The following FEV variants were observed in gnomAD, a reference collection of about 807,000 sequenced individuals.
FEV encodes the protein FEV transcription factor, ETS family member, also known as protein FEV.
In FEV, 14 loss-of-function variants were observed where a neutral mutation model predicts 20.5. The ratio of observed to expected loss-of-function variants is 0.68; its 90% CI spans 0.45 to 1.07. The LOEUF is 1.07. Ranked by LOEUF, FEV falls within the 50% of genes least tolerant of loss-of-function variation. The pLI, the probability that FEV is intolerant of heterozygous loss-of-function variation, is 0.00. For synonymous variants in FEV, 188 were observed against 163.7 expected (o/e 1.15, Z -1.13); for missense variants, 301 against 345.3 (o/e 0.87, Z 1.02).
In FEV at chr2:218,982,197, C is replaced by T. The variant is rs1416263249; in HGVS notation, c.187G>A (p.Ala63Thr). 8 of 1,610,856 alleles carry T rather than the reference C, an allele frequency of 5.0e-6. No homozygotes were observed. The highest frequency in any genetic ancestry group is 6.8e-6 in the Non-Finnish European group (8 of 1,178,956). Residue 63 changes from alanine (A) to threonine (T), a missense_variant, in exon 3 of 3, where the codon GCC becomes ACC. Transcript: ENST00000295727. The stretch of plus-strand genomic sequence containing the variant: ...CCGCCCTCCCACGCGATGCAGCCGG[C>T]GTTCGCGCGGTCAGCCAGCAGCTCC... ...LLELLADRAN[A>T]GCIAWEGGHG...
chr2:218,981,933 C>T lies in FEV; in HGVS notation c.451G>A (p.Ala151Thr), dbSNP rs774651715. Residue 151 changes from alanine to threonine, a missense_variant, in exon 3 of 3, where the codon GCC becomes ACC. Coordinates refer to ENST00000295727, the MANE Select transcript of FEV (RefSeq NM_017521.3). The surrounding 1 kb of genome is among the most constrained non-coding windows in gnomAD (Gnocchi z 4.5). ...GCGCCGTCCTGGGCGGCCGCGGCGG[C>T]GGCAGCAGCTGCGGCGGCGGCATGA... The part of the protein sequence containing the change: ...HAHAAAAAAA[A>T]AAAAQDGALY... The T allele has an allele frequency of 6.7e-6, 9 of 1,352,134 alleles. No individual in the cohort carries two copies. The highest frequency in any genetic ancestry group is 4.7e-4 in the Middle Eastern group (2 of 4,230). 83.8% of individuals were successfully genotyped at this position (1,352,134 alleles called of 1,614,324 possible). A position where few individuals can be genotyped will look rare whatever the true frequency, so the allele number is the denominator to read the frequency against.
rs753813682 is a variant in FEV, at chr2:218,984,804, A to C, written c.52+220T>G. On this transcript the variant is annotated intron_variant, in intron 1 of 2. Coordinates refer to ENST00000295727, the MANE Select transcript of FEV (RefSeq NM_017521.3). This position sits in a 1 kb window ranked among gnomAD's most constrained non-coding sequence, Gnocchi z 5.0. ...CCGGCTCTTGGCCCCCAGGCTCCCAATCTGCTCATTTCAACTCCTCTAGAC... is the reference window on the plus strand; with the variant it reads ...CCGGCTCTTGGCCCCCAGGCTCCCACTCTGCTCATTTCAACTCCTCTAGAC... Among the ~76,000 whole-genome samples, 2 of 151,876 alleles carry C rather than the reference A, an allele frequency of 1.3e-5. No individual in the cohort carries two copies. The highest frequency in any genetic ancestry group is 4.8e-5 in the African/African-American group (2 of 41,358).
chr2:218,982,185 C>G lies in FEV; in HGVS notation c.199G>C (p.Ala67Pro). ...LADRANAGCI[A>P]WEGGHGEFKL... ...AACTCGCCGTGACCGCCCTCCCACG[C>G]GATGCAGCCGGCGTTCGCGCGGTCA... The change falls in exon 3 of 3, where the codon GCG becomes CCG. Residue 67 changes from alanine (A) to proline (P), a missense_variant. Coordinates refer to ENST00000295727, the MANE Select transcript of FEV (RefSeq NM_017521.3). 2 of 1,612,030 alleles carry G rather than the reference C, an allele frequency of 1.2e-6. No individual in the cohort carries two copies. Among genetic ancestry groups the G allele is most frequent in the Non-Finnish European group, 8.5e-7 (1 of 1,179,428 alleles).
chr2:218,982,352 G>A (rs891762005), intron 2 of FEV, 96 bp from the exon 3 acceptor site: 4 of 1,120,610 alleles, frequency 3.6e-6, no homozygotes, highest in South Asian at 3.1e-5. Flanking sequence ...GGCAGGAACC[G>A]GCACTGGGGG....
In FEV at chr2:218,984,825, T is replaced by C. The variant is rs1261462799; in HGVS notation, c.52+199A>G. On this transcript the variant is annotated intron_variant, in intron 1 of 2. Coordinates refer to ENST00000295727, the MANE Select transcript of FEV (RefSeq NM_017521.3). This position sits in a 1 kb window ranked among gnomAD's most constrained non-coding sequence, Gnocchi z 5.0. ...CCCAATCTGCTCATTTCAACTCCTC[T>C]AGACCCTGCACTGAAACCCAGAGCT... is the stretch of plus-strand genomic sequence containing the variant. Among the ~76,000 whole-genome samples the C allele has an allele frequency of 2.0e-5, 3 of 152,146 alleles. No homozygotes were observed. Among genetic ancestry groups the C allele is most frequent in the African/African-American group, 7.2e-5 (3 of 41,434 alleles).
chr2:218,984,263 C>A lies in FEV; in HGVS notation c.95G>T (p.Ser32Ile). ...DGLFKDGKNP[S>I]WGPLSPAVQK... ...AACCGCGGGGCTCAGCGGCCCCCAG[C>A]TCGGGTTCTTCCCGTCCTTGAAGAG... The change falls in exon 2 of 3, where the codon AGC becomes ATC. Residue 32 changes from serine to isoleucine, a missense_variant. By Grantham distance (142) the Ser-to-Ile change is moderately radical. Coordinates refer to ENST00000295727, the MANE Select transcript of FEV (RefSeq NM_017521.3). This position sits in a 1 kb window ranked among gnomAD's most constrained non-coding sequence, Gnocchi z 5.0. 1 of 1,602,648 alleles carries A rather than the reference C, an allele frequency of 6.2e-7. No homozygotes were observed. Among genetic ancestry groups the A allele is most frequent in the African/African-American group, 1.3e-5 (1 of 74,784 alleles).
Position 218,981,976 on chromosome 2 carries a change from C to T in FEV, c.408G>A (p.Gln136=). ...CGGCATGAGCGTGCGCGGGCGGCGGCTGGCAGGCCTGCGCCAGGCCCTGGA... is the reference window on the plus strand; with the variant it reads ...CGGCATGAGCGTGCGCGGGCGGCGGTTGGCAGGCCTGCGCCAGGCCCTGGA... The part of the protein sequence containing the change: ...FDFQGLAQAC[Q]PPPAHAHAAA... Residue 136 remains glutamine, a synonymous_variant, in exon 3 of 3, where the codon CAG becomes CAA. Transcript: ENST00000295727. This position sits in a 1 kb window ranked among gnomAD's most constrained non-coding sequence, Gnocchi z 4.5. 1.9e-6 allele frequency: 3 copies of T among 1,568,478 alleles called. No homozygotes were observed. The highest frequency in any genetic ancestry group is 2.3e-5 in the South Asian group (2 of 85,962).
rs1447276764 is a variant in FEV at position 218,985,056 on chromosome 2, G to T, written c.20C>A (p.Ser7Tyr). The T allele has an allele frequency of 6.4e-7, 1 of 1,560,368 alleles. No individual in the cohort carries two copies. The highest frequency in any genetic ancestry group is 8.7e-7 in the Non-Finnish European group (1 of 1,152,646). ...GTACATGTTGATCAGCAGGGGCTGG[G>T]AGGCGCCGCTCTGTCTCATCGCCGC... Reference protein sequence around the residue: MRQSGASQPLLINMYLP... With the variant: MRQSGAYQPLLINMYLP... Residue 7 changes from serine to tyrosine, a missense_variant, in exon 1 of 3, where the codon TCC (serine) becomes TAC (tyrosine). Ser to Tyr is a moderately radical substitution (Grantham distance 144). Coordinates refer to ENST00000295727, the MANE Select transcript of FEV (RefSeq NM_017521.3).
chr2:218,984,413 C>A lies in FEV; in HGVS notation c.53-108G>T. On this transcript the variant is annotated intron_variant, in intron 1 of 2. Transcript: ENST00000295727. This position sits in a 1 kb window ranked among gnomAD's most constrained non-coding sequence, Gnocchi z 5.0. ...AGGGGGGTGCTGTGGTCCCCAGGCG[C>A]GAGGCTGGGGGCCCGGGCCACCCGG... The A allele has an allele frequency of 8.9e-7, 1 of 1,123,686 alleles. No individual in the cohort carries two copies. The highest frequency in any genetic ancestry group is 1.2e-6 in the Non-Finnish European group (1 of 812,980). 69.6% of individuals were successfully genotyped at this position (1,123,686 alleles called of 1,614,324 possible).
At position 218,981,580 on chromosome 2, in the gene FEV, A is replaced by G; in HGVS notation, c.*87T>C. On this transcript the variant is annotated 3_prime_UTR_variant, in exon 3 of 3. Transcript: ENST00000295727. This position sits in a 1 kb window ranked among gnomAD's most constrained non-coding sequence, Gnocchi z 4.5. ...CTCTGGATTAGAGGACGGTTGACGG[A>G]GGCTCCCGGGCCCTCCCCGGGATGC... 2.8e-6 allele frequency: 3 copies of G among 1,075,206 alleles called. No homozygotes were observed. Among genetic ancestry groups the G allele is most frequent in the Non-Finnish European group, 3.6e-6 (3 of 842,582 alleles). 66.6% of individuals were successfully genotyped at this position (1,075,206 alleles called of 1,614,324 possible).
Position 218,981,904 on chromosome 2 carries a change from G to T in FEV, c.480C>A (p.Leu160=). The change falls in exon 3 of 3, where the codon CTC becomes CTA. Residue 160 remains leucine (L), a synonymous_variant. Coordinates refer to ENST00000295727, the MANE Select transcript of FEV (RefSeq NM_017521.3). This position sits in a 1 kb window ranked among gnomAD's most constrained non-coding sequence, Gnocchi z 4.5. ...AAAAAAQDGA[L]YKLPAGLAPL... ...GGGCGAGGCCGGCGGGCAGCTTGTAGAGCGCGCCGTCCTGGGCGGCCGCGG... is the reference window on the plus strand; with the variant it reads ...GGGCGAGGCCGGCGGGCAGCTTGTATAGCGCGCCGTCCTGGGCGGCCGCGG... 1 of 1,257,878 alleles carries T rather than the reference G, an allele frequency of 7.9e-7. No individual in the cohort carries two copies. The highest frequency in any genetic ancestry group is 9.9e-7 in the Non-Finnish European group (1 of 1,006,096). 77.9% of individuals were successfully genotyped at this position (1,257,878 alleles called of 1,614,324 possible).
chr2:218,983,365 C>CTTTTTTTTTTTTTTTTTTTTT (rs1559099849), intron 2 of FEV, among the ~76,000 whole-genome samples: 4 of 152,174 alleles, frequency 2.6e-5, no homozygotes, highest in African/African-American at 9.7e-5. Context: ...ACCCCTCTTA[C>CTTTTTTTTTTTTTTTTTTTTT]TTTTTCAGCC....
intron 2 of FEV, among the ~76,000 whole-genome samples, chr2:218,982,836 C>G (rs944761061): frequency 9.2e-5 from 14 of 152,220 alleles, no homozygotes; most frequent in African/African-American, 3.1e-4. Context: ...GGACAGGCTA[C>G]TCCTGAGGTG....
Position 218,982,104 on chromosome 2 carries a change from G to A in FEV, c.280C>T (p.Pro94Ser). Residue 94 changes from proline (P) to serine (S), a missense_variant, in exon 3 of 3, where the codon CCC becomes TCC. Coordinates refer to ENST00000295727, the MANE Select transcript of FEV (RefSeq NM_017521.3). ...CTCAGCTTGTCGTAGTTCATGTTGG[G>A]CTTGCTCTTGCGCTCGCCCCACCGC... is the stretch of plus-strand genomic sequence containing the variant. ...ARRWGERKSK[P>S]NMNYDKLSRA... 1 of 1,613,808 alleles carries A rather than the reference G, an allele frequency of 6.2e-7. No homozygotes were observed. Among genetic ancestry groups the A allele is most frequent in the Non-Finnish European group, 8.5e-7 (1 of 1,179,870 alleles).
rs767391303 is a variant in FEV, at chr2:218,982,268, G to A, written c.128-12C>T. The A allele has an allele frequency of 5.4e-5, 84 of 1,560,306 alleles. No individual in the cohort carries two copies. The highest frequency in any genetic ancestry group is 1.5e-4 in the Admixed American group (8 of 54,392). On this transcript the variant is annotated splice_polypyrimidine_tract_variant and intron_variant, in intron 2 of 2. Coordinates refer to ENST00000295727, the MANE Select transcript of FEV (RefSeq NM_017521.3). Reference sequence around the variant, plus strand: ...GATCTGTCCGCTGCCTGTGGGGAGGGGGGCGGTCAGCCACAGGCGGGAGCG... The same window carrying A: ...GATCTGTCCGCTGCCTGTGGGGAGGAGGGCGGTCAGCCACAGGCGGGAGCG...
rs1266897411 is a variant in FEV, at chr2:218,982,174, G to C, written c.210C>G (p.Gly70=). ...RANAGCIAWE[G]GHGEFKLTDP... is the part of the protein sequence containing the mutation. ...CCGTGAGCTTGAACTCGCCGTGACC[G>C]CCCTCCCACGCGATGCAGCCGGCGT... Residue 70 remains glycine, a synonymous_variant, in exon 3 of 3, where the codon GGC becomes GGG. Transcript: ENST00000295727. 6.2e-7 allele frequency: 1 copy of C among 1,612,504 alleles called. No homozygotes were observed. The highest frequency in any genetic ancestry group is 8.5e-7 in the Non-Finnish European group (1 of 1,179,624).
Position 218,984,423 on chromosome 2 carries a change from G to A in FEV, c.53-118C>T, listed in dbSNP as rs1945419937. The stretch of plus-strand genomic sequence containing the variant: ...TGTGGTCCCCAGGCGCGAGGCTGGG[G>A]GCCCGGGCCACCCGGCTCCTCCTCC... On this transcript the variant is annotated intron_variant, in intron 1 of 2. Coordinates refer to ENST00000295727, the MANE Select transcript of FEV (RefSeq NM_017521.3). This position sits in a 1 kb window ranked among gnomAD's most constrained non-coding sequence, Gnocchi z 5.0. The A allele has an allele frequency of 2.1e-6, 2 of 971,958 alleles. No individual in the cohort carries two copies. The highest frequency in any genetic ancestry group is 4.0e-5 in the South Asian group (2 of 49,930). 60.2% of individuals were successfully genotyped at this position (971,958 alleles called of 1,614,324 possible). A position where few individuals can be genotyped will look rare whatever the true frequency, so the allele number is the denominator to read the frequency against.
In FEV at chr2:218,981,900, T is replaced by G; in HGVS notation, c.484A>C (p.Lys162Gln). ...AAAAQDGALY[K>Q]LPAGLAPLPF... ...AGCGGGGCGAGGCCGGCGGGCAGCTTGTAGAGCGCGCCGTCCTGGGCGGCC... is the reference window on the plus strand; with the variant it reads ...AGCGGGGCGAGGCCGGCGGGCAGCTGGTAGAGCGCGCCGTCCTGGGCGGCC... The change falls in exon 3 of 3, where the codon AAG becomes CAG. Residue 162 changes from lysine to glutamine, a missense_variant. Physicochemically the swap from Lys to Gln is moderately conservative, Grantham distance 53. Transcript: ENST00000295727. The surrounding 1 kb of genome is among the most constrained non-coding windows in gnomAD (Gnocchi z 4.5). 8.0e-7 allele frequency: 1 copy of G among 1,253,228 alleles called. No individual in the cohort carries two copies. The highest frequency in any genetic ancestry group is 3.6e-5 in the South Asian group (1 of 27,538). 77.6% of individuals were successfully genotyped at this position (1,253,228 alleles called of 1,614,324 possible).
rs932349851 is a variant in FEV, at chr2:218,984,087, G to T, written c.127+144C>A. The T allele has an allele frequency of 2.2e-5, 16 of 742,074 alleles. No homozygotes were observed. Among genetic ancestry groups the T allele is most frequent in the Middle Eastern group, 4.0e-4 (1 of 2,480 alleles). 46.0% of individuals were successfully genotyped at this position (742,074 alleles called of 1,614,324 possible). On this transcript the variant is annotated intron_variant, in intron 2 of 2. Coordinates refer to ENST00000295727, the MANE Select transcript of FEV (RefSeq NM_017521.3). This position sits in a 1 kb window ranked among gnomAD's most constrained non-coding sequence, Gnocchi z 5.0. ...TGCAGGAGCCAAAAACCAAGTGACT[G>T]TCTTCCCAAGGCCTCCGCACAACCA...
Sources: gnomAD v4.1 joint callset for allele counts (sites outside exome capture counted in the v4.1 genomes callset) on GRCh38, gnomAD v4.1.1 for gene constraint, Gnocchi (gnomAD v3.1) non-coding constraint, MANE v1.5 for transcripts, NCBI Gene and HGNC (gene_info 2026-07-23, HGNC 2026-07-21) for gene names.